The following RNF138 variants were observed in gnomAD, a reference collection of about 807,000 sequenced individuals.
RNF138 encodes ring finger protein 138, also known as E3 ubiquitin-protein ligase RNF138.
In RNF138, 12 loss-of-function variants were observed where a neutral mutation model predicts 31.0. That is an observed-to-expected ratio of 0.39 (90% CI 0.25 to 0.63). The LOEUF (loss-of-function observed/expected upper bound fraction) is 0.63. Ranked by LOEUF, RNF138 falls within the 20% of genes least tolerant of loss-of-function variation. The pLI is 0.52. For missense variants in RNF138, 192 were observed against 300.1 expected, an observed-to-expected ratio of 0.64 and a Z score of 2.66; for synonymous variants, 105 against 99.5, an observed-to-expected ratio of 1.06 and a Z score of -0.33.
At chr18:32,104,058 T>C (rs1245357313) in intron 2 of RNF138, among the ~76,000 whole-genome samples, 2 of 146,268 alleles carry the variant, frequency 1.4e-5, no homozygotes, top group Non-Finnish European at 3.0e-5. Context: ...CTGTCGCCCA[T>C]GCCAGAGTGC....
chr18:32,121,177 G>A (rs2040299715), intron 4 of RNF138, among the ~76,000 whole-genome samples: 1 of 150,708 alleles, frequency 6.6e-6, no homozygotes, highest in Admixed American at 6.7e-5. Flanking sequence ...AATGGAAGAT[G>A]TATGCCATAG....
intron 7 of RNF138, among the ~76,000 whole-genome samples, 185 bp downstream of exon 7, chr18:32,126,985 G>A (rs1038420497): frequency 7.9e-5 from 12 of 152,128 alleles, no homozygotes; most frequent in Middle Eastern, 3.2e-3. Flanking sequence ...TAAAAATTGA[G>A]TTTACTCTCC....
At chr18:32,104,404 G>T (rs2039995045) in intron 2 of RNF138, among the ~76,000 whole-genome samples, 1 of 152,072 alleles carries the variant, frequency 6.6e-6, no homozygotes, top group Non-Finnish European at 1.5e-5. Context: ...TGCTTTTCTA[G>T]TTAGGAACTA....
intron 2 of RNF138, among the ~76,000 whole-genome samples, chr18:32,111,463 T>G (rs2040128584): frequency 6.6e-6 from 1 of 152,222 alleles, no homozygotes; most frequent in African/African-American, 2.4e-5. Flanking sequence ...CCATGCTTCC[T>G]CTAGTAATAT....
At chr18:32,112,590 C>A (rs746093685) in intron 3 of RNF138, among the ~76,000 whole-genome samples, 8 of 152,066 alleles carry the variant, frequency 5.3e-5, no homozygotes, top group Non-Finnish European at 1.2e-4. Flanking sequence ...GAGGCTGAGG[C>A]AGAATTGTTT....
chr18:32,094,926 AT>A (rs2039778360), intron 2 of RNF138, among the ~76,000 whole-genome samples: 2 of 152,182 alleles, frequency 1.3e-5, no homozygotes, highest in Admixed American at 1.3e-4. Flanking sequence ...CTTGTGGGAC[AT>A]TTTAAATCAA....
intron 2 of RNF138, among the ~76,000 whole-genome samples, chr18:32,097,926 GTATATGTGTATGTATATA>G (rs1389034374): frequency 2.0e-5 from 3 of 148,486 alleles, no homozygotes; most frequent in East Asian, 2.0e-4. Flanking sequence ...GTGTGTGTGT[GTATATGTGTATGTATATA>G]TGTGTGTGTG....
At chr18:32,111,090 T>C (rs1343648220) in intron 2 of RNF138, among the ~76,000 whole-genome samples, 1 of 152,238 alleles carries the variant, frequency 6.6e-6, no homozygotes, top group African/African-American at 2.4e-5. Flanking sequence ...AAGCCGGAAG[T>C]ATTCTTAAGT....
intron 2 of RNF138, among the ~76,000 whole-genome samples, chr18:32,100,186 G>T (rs1028902183): frequency 6.7e-6 from 1 of 148,490 alleles, no homozygotes; most frequent in East Asian, 2.0e-4. Context: ...CTTGGAGCTG[G>T]GTGTTAGTGA....
At chr18:32,113,506 T>G (rs1488500248) in intron 3 of RNF138, among the ~76,000 whole-genome samples, 1 of 152,208 alleles carries the variant, frequency 6.6e-6, no homozygotes, top group Non-Finnish European at 1.5e-5. Context: ...GTGAAGTTAT[T>G]TGCTGTTTTT....
intron 2 of RNF138, among the ~76,000 whole-genome samples, chr18:32,095,029 G>A (rs4799327): frequency 0.17 from 25,447 of 152,120 alleles, 2,219 homozygotes; most frequent in South Asian, 0.2. Context: ...CTTATTGTAC[G>A]TAGACAGTTC....
rs2040356923 is a variant in RNF138, at chr18:32,124,639, T to C, written c.450-95T>C. ...TTGAATAGTCTAATAATTATAACTT[T>C]TTTAAAAAATGTATAGTGATTCCTC... is the stretch of plus-strand genomic sequence containing the variant. On this transcript the variant is annotated intron_variant, in intron 5 of 7. Transcript: ENST00000261593. 6.1e-5 allele frequency: 41 copies of C among 676,836 alleles called. No individual in the cohort carries two copies. The South Asian group carries it at 6.8e-4, about 11-fold the overall frequency. The allele number at this position is 676,836 out of a possible 1,614,324, so 41.9% of individuals were successfully genotyped here.
intron 2 of RNF138, among the ~76,000 whole-genome samples, chr18:32,101,107 G>T (rs1213353945): frequency 2.0e-5 from 3 of 152,104 alleles, no homozygotes; most frequent in Non-Finnish European, 4.4e-5. Context: ...AGAACATTCT[G>T]GGGAGAAGAA....
At chr18:32,115,746 AACACACACAC>A (rs970798456) in intron 4 of RNF138, among the ~76,000 whole-genome samples, 3 of 151,966 alleles carry the variant, frequency 2.0e-5, no homozygotes, top group African/African-American at 4.8e-5. Flanking sequence ...CTCCGTCTAA[AACACACACAC>A]ACGCACACAC....
chr18:32,116,744 G>A (rs1216252914), intron 4 of RNF138, among the ~76,000 whole-genome samples: 1 of 151,776 alleles, frequency 6.6e-6, no homozygotes, highest in Non-Finnish European at 1.5e-5. Context: ...GGGTGGGGGG[G>A]TGGTTTTTGG....
chr18:32,119,714 G>A (rs772521122), intron 4 of RNF138, among the ~76,000 whole-genome samples: 1 of 152,186 alleles, frequency 6.6e-6, no homozygotes, highest in African/African-American at 2.4e-5. Context: ...GTGAGCCACT[G>A]CCCCCAGCCT....
intron 2 of RNF138, among the ~76,000 whole-genome samples, chr18:32,098,682 C>G (rs2039859301): frequency 6.6e-6 from 1 of 151,492 alleles, no homozygotes; most frequent in Admixed American, 6.6e-5. Context: ...GAAACCCTGT[C>G]TCTACTAAAA....
intron 2 of RNF138, among the ~76,000 whole-genome samples, chr18:32,105,186 A>C (rs958782854): frequency 1.2e-4 from 18 of 152,016 alleles, no homozygotes; most frequent in African/African-American, 4.1e-4. Context: ...CTGCCTCCTG[A>C]GTTTAAGTGA....
chr18:32,092,655 G>C (rs746029955), intron 1 of RNF138, 45 bp from the exon 2 acceptor site: 2 of 665,866 alleles, frequency 3.0e-6, no homozygotes, highest in African/African-American at 1.8e-5. Flanking sequence ...CCTGGCGCGC[G>C]CTGTATCCTG....
Sources: gnomAD v4.1 joint callset for allele counts (sites outside exome capture counted in the v4.1 genomes callset) on GRCh38, gnomAD v4.1.1 for gene constraint, MANE v1.5 for transcripts, NCBI Gene and HGNC (gene_info 2026-07-23, HGNC 2026-07-21) for gene names.